Variants in KMT2C observed in about 807,000 individuals in gnomAD.
KMT2C encodes histone-lysine N-methyltransferase 2C.
In KMT2C, 88 loss-of-function variants were observed where a neutral mutation model predicts 507.9. That is an observed-to-expected ratio of 0.17 (90% CI 0.15 to 0.21). The LOEUF is 0.21. Among genes scored for constraint, KMT2C ranks in the 10% least tolerant of loss-of-function variants. The probability of loss-of-function intolerance (pLI) is 1.00; values close to 1 mark genes in which losing one functional copy is unlikely to be tolerated. For synonymous variants in KMT2C, 2,049 were observed against 2,080.8 expected (o/e 0.98, Z 0.42); for missense variants, 4,954 against 5,957.8 (o/e 0.83, Z 5.55).
At chr7:152,172,015 G>A (rs1022355183) in intron 39 of KMT2C, among the ~76,000 whole-genome samples, 1 of 152,106 alleles carries the variant, frequency 6.6e-6, no homozygotes, top group Non-Finnish European at 1.5e-5. Context: ...TATTTCCTCT[G>A]GCATTATCAA....
intron 7 of KMT2C, 149 bp downstream of exon 7, chr7:152,273,556 C>T (rs2096016454): frequency 5.2e-6 from 4 of 764,074 alleles, no homozygotes; most frequent in South Asian, 4.0e-5. Context: ...CCCTCCCCAG[C>T]GATCCCTGGC....
chr7:152,364,242 A>G lies in KMT2C; in HGVS notation c.162-5567T>C, dbSNP rs370916364. 8.5e-5 allele frequency among the ~76,000 whole-genome samples: 13 copies of G among 152,352 alleles called. No individual in the cohort carries two copies. In the East Asian group the frequency reaches 1.7e-3, roughly 20 times the overall value. On this transcript the variant is annotated intron_variant, in intron 1 of 58. Transcript: ENST00000262189. ...ATATGCGCAAGAATGTAAAGAAAACATGAATATGAGAGAAACAGAAGATAT... is the reference window on the plus strand; with the variant it reads ...ATATGCGCAAGAATGTAAAGAAAACGTGAATATGAGAGAAACAGAAGATAT...
intron 1 of KMT2C, among the ~76,000 whole-genome samples, chr7:152,413,880 C>T (rs79202151): frequency 3.2e-5 from 2 of 61,544 alleles, no homozygotes; most frequent in Non-Finnish European, 5.0e-5. Flanking sequence ...AGCAAAACTC[C>T]GTCTCAAAAA....
intron 52 of KMT2C, among the ~76,000 whole-genome samples, chr7:152,147,178 A>T (rs2091185574): frequency 6.6e-6 from 1 of 152,096 alleles, no homozygotes; most frequent in Admixed American, 6.5e-5. Context: ...TTAAGTGCTA[A>T]ACTTAAGAAA....
Position 152,187,711 on chromosome 7 carries a change from G to A in KMT2C, c.4793+4C>T, listed in dbSNP as rs376620358. On this transcript the variant is annotated splice_donor_region_variant and intron_variant, in intron 32 of 58. Coordinates refer to ENST00000262189, the MANE Select transcript of KMT2C (RefSeq NM_170606.3). ...TAAGTTTCCATAGAAAATAAGGCTT[G>A]TACCTGGCATCAGGATAAGAGGATT... 9 of 1,612,180 alleles carry A rather than the reference G, an allele frequency of 5.6e-6. No individual in the cohort carries two copies. In the African/African-American group the frequency reaches 1.1e-4, roughly 19 times the overall value.
chr7:152,323,232 A>G (rs922754687), intron 3 of KMT2C, among the ~76,000 whole-genome samples: 9 of 152,072 alleles, frequency 5.9e-5, no homozygotes, highest in African/African-American at 1.9e-4. Context: ...GCCCATGCTT[A>G]CTACAGCATT....
At chr7:152,380,307 C>T (rs1270706134) in intron 1 of KMT2C, among the ~76,000 whole-genome samples, 3 of 151,908 alleles carry the variant, frequency 2.0e-5, no homozygotes, top group South Asian at 2.1e-4. Context: ...GTGGCTCACA[C>T]CTATAATCCC....
intron 31 of KMT2C, among the ~76,000 whole-genome samples, chr7:152,188,668 A>G (rs995836347): frequency 1.6e-5 from 2 of 128,740 alleles, no homozygotes; most frequent in African/African-American, 6.3e-5. Context: ...GCTGGAGTGC[A>G]GTGGCAAGAT....
At chr7:152,434,030 G>C (rs2097891401) in intron 1 of KMT2C, among the ~76,000 whole-genome samples, 1 of 152,218 alleles carries the variant, frequency 6.6e-6, no homozygotes, top group African/African-American at 2.4e-5. Context: ...AGTGAAATGG[G>C]AGGCAATCAA....
chr7:152,300,363 G>A (rs1195162472), intron 6 of KMT2C, among the ~76,000 whole-genome samples: 2 of 152,216 alleles, frequency 1.3e-5, no homozygotes, highest in African/African-American at 4.8e-5. Flanking sequence ...AAATAATGTG[G>A]CTTATCCTGC....
intron 6 of KMT2C, among the ~76,000 whole-genome samples, chr7:152,290,218 A>ATGTGTGTGTGTGTGTG (rs1453293217): frequency 9.2e-6 from 1 of 108,744 alleles, no homozygotes; most frequent in African/African-American, 4.3e-5. Context: ...TTTTATATAT[A>ATGTGTGTGTGTGTGTG]TATGTGTGTG....
chr7:152,227,288 G>A (rs1021882573), intron 18 of KMT2C, among the ~76,000 whole-genome samples: 1 of 152,164 alleles, frequency 6.6e-6, no homozygotes, highest in African/African-American at 2.4e-5. Context: ...CGTTGAACCA[G>A]TCTAGCCTTA....
At position 152,148,691 on chromosome 7, in the gene KMT2C, C is replaced by A; in HGVS notation, c.13236G>T (p.Leu4412Phe). Reference protein sequence around the residue: ...CCFCHEEGDGLTDGPARLLNL... With the variant: ...CCFCHEEGDGFTDGPARLLNL... ...TGAGTAGCCTTGCTGGTCCATCTGT[C>A]AATCCATCACCTTCTTCATGACAAA... Residue 4412 changes from leucine to phenylalanine, a missense_variant, in exon 52 of 59, where the codon TTG becomes TTT. Physicochemically the swap from Leu to Phe is conservative, Grantham distance 22. Coordinates refer to ENST00000262189, the MANE Select transcript of KMT2C (RefSeq NM_170606.3). This position sits in a 1 kb window ranked among gnomAD's most constrained non-coding sequence, Gnocchi z 7.1. The A allele has an allele frequency of 6.2e-7, 1 of 1,614,184 alleles. No homozygotes were observed. Among genetic ancestry groups the A allele is most frequent in the Non-Finnish European group, 8.5e-7 (1 of 1,180,040 alleles).
chr7:152,248,114 C>T lies in KMT2C; in HGVS notation c.2320G>A (p.Ala774Thr), dbSNP rs1374743655. The change falls in exon 14 of 59, where the codon GCA (alanine) becomes ACA (threonine). Residue 774 changes from alanine to threonine, a missense_variant. This residue lies in a region of KMT2C where 20 missense variants were observed against 53.1 expected (regional missense o/e 0.38). Coordinates refer to ENST00000262189, the MANE Select transcript of KMT2C (RefSeq NM_170606.3). ...GACACATCTGCCTTGCTTATGTCTGCTGATGATGAAAATGATGACTCTGTC... is the reference window on the plus strand; with the variant it reads ...GACACATCTGCCTTGCTTATGTCTGTTGATGATGAAAATGATGACTCTGTC... The part of the protein sequence containing the change: ...SETESSFSSS[A>T]DISKADVSSS... 19 of 1,614,094 alleles carry T rather than the reference C, an allele frequency of 1.2e-5. No homozygotes were observed. The highest frequency in any genetic ancestry group is 3.3e-5 in the South Asian group (3 of 91,090).
intron 6 of KMT2C, among the ~76,000 whole-genome samples, chr7:152,284,240 G>A (rs2096263428): frequency 2.0e-5 from 3 of 151,956 alleles, no homozygotes; most frequent in African/African-American, 7.2e-5. Context: ...CTTTATGTTT[G>A]GTTTTGGTAA....
Position 152,176,648 on chromosome 7 carries a change from C to G in KMT2C, c.8805G>C (p.Ser2935=), listed in dbSNP as rs748067955. 6.2e-7 allele frequency: 1 copy of G among 1,613,972 alleles called. No homozygotes were observed. ...GCAGAGTTGGTGGTGGTGGAGACCC[C>G]GATGGCCTAATGTCTGAATTATCAG... ...EKSDNSDIRP[S]GSPPPPTLPA... Residue 2935 remains serine, a synonymous_variant, in exon 38 of 59, where the codon TCG becomes TCC. Transcript: ENST00000262189.
At chr7:152,386,384 A>C (rs2097426811) in intron 1 of KMT2C, among the ~76,000 whole-genome samples, 1 of 152,430 alleles carries the variant, frequency 6.6e-6, no homozygotes, top group East Asian at 1.9e-4. Flanking sequence ...AGAGGTGAAA[A>C]GTGACTTGCT....
chr7:152,208,531 A>T (rs2094367232), intron 23 of KMT2C, among the ~76,000 whole-genome samples: 1 of 152,232 alleles, frequency 6.6e-6, no homozygotes, highest in Admixed American at 6.5e-5. Context: ...TATTGTTAGT[A>T]GGATACCTAA....
chr7:152,368,566 G>C, intron 1 of KMT2C: 1 of 1,399,304 alleles, frequency 7.1e-7, no homozygotes, highest in Admixed American at 1.9e-5. Flanking sequence ...TCAGTTTGAG[G>C]ATGAGAAGGC....
Sources: gnomAD v4.1 joint callset for allele counts (sites outside exome capture counted in the v4.1 genomes callset) on GRCh38, gnomAD v4.1.1 for gene constraint, gnomAD v4.1.1 regional missense constraint, Gnocchi (gnomAD v3.1) non-coding constraint, MANE v1.5 for transcripts, NCBI Gene and HGNC (gene_info 2026-07-23, HGNC 2026-07-21) for gene names.